DHTKD1: variants seen among roughly 807,000 people sequenced by gnomAD.
DHTKD1 encodes 2-oxoadipate dehydrogenase complex component E1.
A neutral mutation model predicts 101.8 loss-of-function variants in DHTKD1; 78 were observed. That is an observed-to-expected ratio of 0.77 (90% CI 0.64 to 0.93). DHTKD1 has a LOEUF of 0.93. DHTKD1 is among the 40% of genes least tolerant of loss of function. DHTKD1 has a pLI of 0.00. For synonymous variants in DHTKD1, 462 were observed against 450.3 expected, an observed-to-expected ratio of 1.03 and a Z score of -0.33; for missense variants, 1,223 against 1,161.7, an observed-to-expected ratio of 1.05 and a Z score of -0.77.
At chr10:12,088,578 T>G (rs1832939036) in intron 4 of DHTKD1, among the ~76,000 whole-genome samples, 1 of 152,134 alleles carries the variant, frequency 6.6e-6, no homozygotes, top group Non-Finnish European at 1.5e-5. Context: ...TGGTTTTCCA[T>G]GTATACTTAC....
At chr10:12,118,170 G>A (rs1458031946) in intron 14 of DHTKD1, among the ~76,000 whole-genome samples, 1 of 151,940 alleles carries the variant, frequency 6.6e-6, no homozygotes, top group Non-Finnish European at 1.5e-5. Context: ...GATTGCAGGC[G>A]TGAGCCACCA....
chr10:12,117,797 T>C, intron 14 of DHTKD1, 42 bp downstream of exon 14: 2 of 1,120,684 alleles, frequency 1.8e-6, no homozygotes, highest in Non-Finnish European at 2.7e-6. Flanking sequence ...TGGCAGAATT[T>C]TAATTAATGG....
chr10:12,095,760 C>T (rs562050439), intron 7 of DHTKD1, among the ~76,000 whole-genome samples: 1 of 130,312 alleles, frequency 7.7e-6, no homozygotes, highest in South Asian at 2.6e-4. Context: ...TTGCAGTGAG[C>T]CCAGATCGCA....
intron 1 of DHTKD1, among the ~76,000 whole-genome samples, chr10:12,081,039 G>A (rs1480128598): frequency 3.3e-5 from 5 of 152,058 alleles, no homozygotes; most frequent in East Asian, 1.9e-4. Context: ...GGTGGCTCAC[G>A]CCTGTAATCC....
chr10:12,120,082 A>G (rs1588621549), intron 15 of DHTKD1, 100 bp from the exon 16 acceptor site: 1 of 858,498 alleles, frequency 1.2e-6, no homozygotes, highest in East Asian at 2.5e-5. Flanking sequence ...CTTTCACACC[A>G]TCGTAAAGTT....
chr10:12,078,086 G>A (rs1832761851), intron 1 of DHTKD1, among the ~76,000 whole-genome samples: 1 of 152,020 alleles, frequency 6.6e-6, no homozygotes, highest in Non-Finnish European at 1.5e-5. Flanking sequence ...TTCTGTGTCA[G>A]TATTCTAGTG....
Position 12,080,847 on chromosome 10 carries a change from G to T in DHTKD1, c.155-625G>T, listed in dbSNP as rs368215208. ...TTTGAGAGGCCAAGATGAGTGAATC[G>T]CTTGAGCTCAGGGGTTCAAGACCAA... On this transcript the variant is annotated intron_variant, in intron 1 of 16. Coordinates refer to ENST00000263035, the MANE Select transcript of DHTKD1 (RefSeq NM_018706.7). Among the ~76,000 whole-genome samples, 6 of 151,792 alleles carry T rather than the reference G, an allele frequency of 4.0e-5. No individual in the cohort carries two copies. The East Asian group carries it at 5.8e-4, about 15-fold the overall frequency.
intron 2 of DHTKD1, 124 bp downstream of exon 2, chr10:12,081,751 G>A (rs1832823610): frequency 9.5e-7 from 1 of 1,056,902 alleles, no homozygotes; most frequent in Non-Finnish European, 1.4e-6. Flanking sequence ...GGAGACCCGA[G>A]GGGCATGTTG....
At chr10:12,083,861 A>G (rs1050439573) in intron 2 of DHTKD1, among the ~76,000 whole-genome samples, 4 of 151,998 alleles carry the variant, frequency 2.6e-5, no homozygotes, top group Admixed American at 6.6e-5. Context: ...ACCTTTGACC[A>G]TATTTTTAGT....
intron 2 of DHTKD1, among the ~76,000 whole-genome samples, chr10:12,082,496 G>A (rs1298721056): frequency 1.3e-5 from 2 of 152,116 alleles, no homozygotes; most frequent in African/African-American, 4.8e-5. Flanking sequence ...GTCATCTAAT[G>A]CCGTGTAATA....
At chr10:12,078,692 T>C (rs1246494320) in intron 1 of DHTKD1, among the ~76,000 whole-genome samples, 1 of 152,168 alleles carries the variant, frequency 6.6e-6, no homozygotes, top group Non-Finnish European at 1.5e-5. Flanking sequence ...TCTTTTTTCT[T>C]TTTTTGAGAC....
rs974599288 is a variant in DHTKD1 at position 12,110,921 on chromosome 10, C to T, written c.2155-1979C>T. Among the ~76,000 whole-genome samples, 5 of 151,546 alleles carry T rather than the reference C, an allele frequency of 3.3e-5. No homozygotes were observed. The highest frequency in any genetic ancestry group is 7.4e-5 in the Non-Finnish European group (5 of 67,920). ...TAGCTGGGTGGGTGGTGGTGCGTGC[C>T]CATAATCCTCACTACTTGGGAGGCT... is the stretch of plus-strand genomic sequence containing the variant. On this transcript the variant is annotated intron_variant, in intron 12 of 16. Transcript: ENST00000263035. The surrounding 1 kb of genome is among the most constrained non-coding windows in gnomAD (Gnocchi z 4.9).
chr10:12,118,691 G>A lies in DHTKD1; in HGVS notation c.2403-58G>A, dbSNP rs1040959185. 23 of 1,406,262 alleles carry A rather than the reference G, an allele frequency of 1.6e-5. No individual in the cohort carries two copies. In the African/African-American group the frequency reaches 1.9e-4, roughly 12 times the overall value. 87.1% of individuals were successfully genotyped at this position (1,406,262 alleles called of 1,614,324 possible). A position where few individuals can be genotyped will look rare whatever the true frequency, so the allele number is the denominator to read the frequency against. Reference sequence around the variant, plus strand: ...GCTACTGCACCTGGCCTCTTCTGACGTAATTCTTACTTTAAAAAATTTCTC... The same window carrying A: ...GCTACTGCACCTGGCCTCTTCTGACATAATTCTTACTTTAAAAAATTTCTC... On this transcript the variant is annotated intron_variant, in intron 14 of 16. Transcript: ENST00000263035.
In DHTKD1 at chr10:12,091,685, G is replaced by A. The variant is rs766647628; in HGVS notation, c.1159+1G>A. ...TCTTCTTTATACTGCAGTGATATTG[G>A]TACGTAACACAGGGAGGAACTGATA... On this transcript the variant is annotated splice_donor_variant, in intron 6 of 16. Coordinates refer to ENST00000263035, the MANE Select transcript of DHTKD1 (RefSeq NM_018706.7). LOFTEE classifies it high-confidence loss of function. The A allele has an allele frequency of 1.9e-6, 3 of 1,612,974 alleles. No homozygotes were observed. The highest frequency in any genetic ancestry group is 2.5e-6 in the Non-Finnish European group (3 of 1,179,526).
Position 12,081,500 on chromosome 10 carries a change from A to G in DHTKD1, c.183A>G (p.Thr61=). The G allele has an allele frequency of 6.2e-7, 1 of 1,614,122 alleles. No homozygotes were observed. Among genetic ancestry groups the G allele is most frequent in the African/African-American group, 1.3e-5 (1 of 75,052 alleles). The change falls in exon 2 of 17, where the codon ACA becomes ACG. Residue 61 remains threonine, a synonymous_variant. Transcript: ENST00000263035. The stretch of plus-strand genomic sequence containing the variant: ...ATCATGGCCTTGCCAGGTTGGTGAC[A>G]GTATATTGTGAGCATGGTCATAAAG... The part of the protein sequence containing the change: ...PVDHGLARLV[T]VYCEHGHKAA...
chr10:12,081,312 A>G (rs1757206055), intron 1 of DHTKD1, among the ~76,000 whole-genome samples, 160 bp from the exon 2 acceptor site: 3 of 147,388 alleles, frequency 2.0e-5, no homozygotes, highest in Admixed American at 1.4e-4. Flanking sequence ...GTTCTACTGC[A>G]CTCCAGCCTG....
chr10:12,074,402 C>A (rs1318993101), intron 1 of DHTKD1, among the ~76,000 whole-genome samples: 1 of 152,086 alleles, frequency 6.6e-6, no homozygotes, highest in Non-Finnish European at 1.5e-5. Context: ...GTCGCCCAGG[C>A]TGGAGTGCAG....
rs1588613192 is a variant in DHTKD1 at position 12,100,054 on chromosome 10, C to T, written c.1672-124C>T. On this transcript the variant is annotated intron_variant, in intron 8 of 16. Coordinates refer to ENST00000263035, the MANE Select transcript of DHTKD1 (RefSeq NM_018706.7). ...CAAGTGATCCACCCGCCTGGGCCTC[C>T]CAAAGTGCTGGGATTACAGGCATGA... 8 of 549,174 alleles carry T rather than the reference C, an allele frequency of 1.5e-5. No homozygotes were observed. The East Asian group carries it at 1.9e-4, about 13-fold the overall frequency. The allele number at this position is 549,174 out of a possible 1,614,324, so 34.0% of individuals were successfully genotyped here. A position where few individuals can be genotyped will look rare whatever the true frequency, so the allele number is the denominator to read the frequency against.
At chr10:12,076,289 AAC>A (rs1832729442) in intron 1 of DHTKD1, among the ~76,000 whole-genome samples, 1 of 152,228 alleles carries the variant, frequency 6.6e-6, no homozygotes, top group African/African-American at 2.4e-5. Context: ...TATCCTGGCT[AAC>A]ACGGTGAAAC....
Sources: allele counts gnomAD v4.1 joint callset (sites outside exome capture counted in the v4.1 genomes callset), GRCh38; gene constraint gnomAD v4.1.1; non-coding constraint Gnocchi (gnomAD v3.1); transcripts MANE v1.5; gene names NCBI Gene and HGNC (gene_info 2026-07-23, HGNC 2026-07-21).